Variants in SCAPER observed in about 807,000 individuals in gnomAD.
The protein encoded by SCAPER is S phase cyclin A-associated protein in the endoplasmic reticulum.
SCAPER carries 98 observed loss-of-function variants against 182.2 expected under a neutral mutation model. The observed-to-expected ratio is 0.54, with a 90% confidence interval of 0.46 to 0.64. The LOEUF (loss-of-function observed/expected upper bound fraction) is 0.64. SCAPER is among the 30% of genes least tolerant of loss of function. SCAPER has a pLI of 0.00. For missense variants in SCAPER, 1,432 were observed against 1,690.0 expected, an observed-to-expected ratio of 0.85 and a Z score of 2.68; for synonymous variants, 605 against 564.6, an observed-to-expected ratio of 1.07 and a Z score of -1.01.
intron 26 of SCAPER, among the ~76,000 whole-genome samples, chr15:76,420,620 A>C (rs899343852): frequency 2.0e-5 from 3 of 152,100 alleles, no homozygotes; most frequent in African/African-American, 7.2e-5. Context: ...TAACTATAAG[A>C]AGACTTTTTT....
At chr15:76,389,318 T>C (rs898118296) in intron 27 of SCAPER, among the ~76,000 whole-genome samples, 14 of 150,214 alleles carry the variant, frequency 9.3e-5, no homozygotes, top group Non-Finnish European at 2.1e-4. Flanking sequence ...CTGGCCAACA[T>C]GGTGAAACCC....
chr15:76,548,672 C>T (rs1335621548), intron 23 of SCAPER, among the ~76,000 whole-genome samples: 2 of 152,110 alleles, frequency 1.3e-5, no homozygotes, highest in African/African-American at 4.8e-5. Context: ...TTTGACAAAC[C>T]TGACAAAAAC....
At chr15:76,742,021 CAAAAT>C (rs1396382250) in intron 15 of SCAPER, among the ~76,000 whole-genome samples, 1 of 151,524 alleles carries the variant, frequency 6.6e-6, no homozygotes, top group Non-Finnish European at 1.5e-5. Context: ...GTTTAACTAA[CAAAAT>C]AAAGAAGGGA....
At chr15:76,677,260 A>C (rs1267802397) in intron 20 of SCAPER, among the ~76,000 whole-genome samples, 1 of 152,178 alleles carries the variant, frequency 6.6e-6, no homozygotes, top group South Asian at 2.1e-4. Flanking sequence ...TAAGAGAATC[A>C]GAAATGAGTC....
At chr15:76,822,113 T>C (rs540628262) in intron 5 of SCAPER, among the ~76,000 whole-genome samples, 2 of 152,258 alleles carry the variant, frequency 1.3e-5, no homozygotes, top group South Asian at 2.1e-4. Context: ...TCCAAAATCA[T>C]AGAACGTATA....
At chr15:76,569,041 T>C (rs1205036815) in intron 23 of SCAPER, among the ~76,000 whole-genome samples, 1 of 152,086 alleles carries the variant, frequency 6.6e-6, no homozygotes, top group Non-Finnish European at 1.5e-5. Flanking sequence ...TTCTCTCAAA[T>C]CTTACAACTT....
chr15:76,428,070 A>C (rs534732443), intron 26 of SCAPER, among the ~76,000 whole-genome samples: 1 of 152,294 alleles, frequency 6.6e-6, no homozygotes, highest in African/African-American at 2.4e-5. Flanking sequence ...ACTGCACTCC[A>C]GCCTGGGCAA....
At chr15:76,902,976 G>A (rs775869725) in intron 1 of SCAPER, among the ~76,000 whole-genome samples, 16 of 151,454 alleles carry the variant, frequency 1.1e-4, no homozygotes, top group African/African-American at 1.7e-4. Context: ...CAGGAAAATC[G>A]CTTGAACTTG....
In SCAPER at chr15:76,619,456, T is replaced by C. The variant is rs183803396; in HGVS notation, c.2711+2308A>G. Among the ~76,000 whole-genome samples, 3 of 152,348 alleles carry C rather than the reference T, an allele frequency of 2.0e-5. No individual in the cohort carries two copies. In the East Asian group the frequency reaches 5.8e-4, roughly 29 times the overall value. On this transcript the variant is annotated intron_variant, in intron 22 of 31. Transcript: ENST00000563290. ...TTTGGGTATATTCCTAAGAGTGGAATGGCGGGGAGTATGTTTAGCTTTTTA... is the reference window on the plus strand; with the variant it reads ...TTTGGGTATATTCCTAAGAGTGGAACGGCGGGGAGTATGTTTAGCTTTTTA...
At chr15:76,506,882 A>G (rs1460201831) in intron 23 of SCAPER, among the ~76,000 whole-genome samples, 1 of 152,206 alleles carries the variant, frequency 6.6e-6, no homozygotes, top group African/African-American at 2.4e-5. Flanking sequence ...GATTATTTCT[A>G]TGCAATTTAC....
chr15:76,568,880 AT>A (rs1427690390), intron 23 of SCAPER, among the ~76,000 whole-genome samples: 1 of 151,928 alleles, frequency 6.6e-6, no homozygotes, highest in Non-Finnish European at 1.5e-5. Context: ...GATATTTAAT[AT>A]TTTGATAATA....
chr15:76,419,299 A>G (rs1411186751), intron 26 of SCAPER, among the ~76,000 whole-genome samples: 1 of 150,818 alleles, frequency 6.6e-6, no homozygotes, highest in Non-Finnish European at 1.5e-5. Flanking sequence ...ATTGCACTCC[A>G]GCCTGGGCAA....
chr15:76,410,516 A>G (rs1596482223), intron 26 of SCAPER, among the ~76,000 whole-genome samples: 1 of 152,244 alleles, frequency 6.6e-6, no homozygotes, highest in African/African-American at 2.4e-5. Flanking sequence ...TTTTAAATGA[A>G]TTCATCAGGT....
chr15:76,856,527 A>T (rs1568350122), intron 4 of SCAPER, among the ~76,000 whole-genome samples: 1 of 150,986 alleles, frequency 6.6e-6, no homozygotes, highest in African/African-American at 2.4e-5. Context: ...ATATGTATAT[A>T]TTTTTAACTT....
At chr15:76,631,179 G>A (rs769582009) in intron 21 of SCAPER, among the ~76,000 whole-genome samples, 1 of 152,076 alleles carries the variant, frequency 6.6e-6, no homozygotes, top group Admixed American at 6.5e-5. Flanking sequence ...CGGTCTATGT[G>A]TGTCTTTGCA....
At chr15:76,866,446 C>T (rs1422251734) in intron 2 of SCAPER, among the ~76,000 whole-genome samples, 1 of 152,130 alleles carries the variant, frequency 6.6e-6, no homozygotes, top group Admixed American at 6.5e-5. Context: ...TTCAGCTCCA[C>T]TATAAATTTT....
At chr15:76,799,092 T>C (rs937381288) in intron 7 of SCAPER, among the ~76,000 whole-genome samples, 4 of 152,202 alleles carry the variant, frequency 2.6e-5, no homozygotes, top group Non-Finnish European at 5.9e-5. Context: ...GTTGAGCTTG[T>C]AATATATAAA....
intron 24 of SCAPER, among the ~76,000 whole-genome samples, chr15:76,503,377 GC>G (rs2041310375): frequency 6.6e-6 from 1 of 152,042 alleles, no homozygotes; most frequent in Non-Finnish European, 1.5e-5. Flanking sequence ...GGAGCTTTCT[GC>G]TCCACAGAAA....
At chr15:76,863,647 T>C (rs1599166384) in intron 2 of SCAPER, among the ~76,000 whole-genome samples, 2 of 152,166 alleles carry the variant, frequency 1.3e-5, no homozygotes, top group Non-Finnish European at 2.9e-5. Flanking sequence ...GTATGGTAGG[T>C]AGTCTTCAAA....
Sources: allele counts gnomAD v4.1 joint callset (sites outside exome capture counted in the v4.1 genomes callset), GRCh38; gene constraint gnomAD v4.1.1; transcripts MANE v1.5; gene names NCBI Gene and HGNC (gene_info 2026-07-23, HGNC 2026-07-21).